DLG2: variants seen among roughly 807,000 people sequenced by gnomAD.
DLG2 encodes discs large MAGUK scaffold protein 2.
Under a neutral mutation model 132.5 loss-of-function variants are expected in DLG2, and 45 were observed. That is an observed-to-expected ratio of 0.34 (90% CI 0.27 to 0.44). The LOEUF is 0.44. DLG2 is among the 20% of genes least tolerant of loss of function. The pLI is 1.00. For missense variants in DLG2, 1,045 were observed against 1,196.9 expected (o/e 0.87, Z 1.87); for synonymous variants, 424 against 419.6 (o/e 1.01, Z -0.13).
chr11:83,987,063 A>C (rs2093373041), intron 11 of DLG2, among the ~76,000 whole-genome samples: 1 of 152,068 alleles, frequency 6.6e-6, no homozygotes, highest in African/African-American at 2.4e-5. Flanking sequence ...TCTTTAGTTT[A>C]ATTTGATCCC....
In DLG2 at chr11:84,769,616, A is replaced by G. The variant is rs1201497083; in HGVS notation, c.358-234885T>C. 2.0e-5 allele frequency among the ~76,000 whole-genome samples: 3 copies of G among 152,322 alleles called. No homozygotes were observed. The East Asian group carries it at 5.8e-4, about 29-fold the overall frequency. On this transcript the variant is annotated intron_variant, in intron 6 of 27. Coordinates refer to ENST00000376104, the MANE Select transcript of DLG2 (RefSeq NM_001142699.3). ...AGAGAGGTAGACGACATTTAGATAC[A>G]AGAAACCTAGAGAACACCTGTAAGA... is the stretch of plus-strand genomic sequence containing the variant.
chr11:84,851,427 T>G (rs1326516361), intron 6 of DLG2, among the ~76,000 whole-genome samples: 1 of 152,130 alleles, frequency 6.6e-6, no homozygotes, highest in Non-Finnish European at 1.5e-5. Context: ...CAGTTCCTAT[T>G]AACTCACTGG....
intron 3 of DLG2, among the ~76,000 whole-genome samples, chr11:85,540,705 A>G (rs1223336709): frequency 6.6e-6 from 1 of 152,258 alleles, no homozygotes; most frequent in African/African-American, 2.4e-5. Flanking sequence ...CAGCAAAGCT[A>G]AAAGAGCACA....
chr11:84,412,887 T>C (rs1418616189), intron 7 of DLG2, among the ~76,000 whole-genome samples: 2 of 152,240 alleles, frequency 1.3e-5, no homozygotes, highest in African/African-American at 4.8e-5. Context: ...CTGGAATGTA[T>C]ACTTCTCTAA....
At chr11:83,678,250 G>A (rs2078111678) in intron 18 of DLG2, among the ~76,000 whole-genome samples, 1 of 152,096 alleles carries the variant, frequency 6.6e-6, no homozygotes, top group African/African-American at 2.4e-5. Flanking sequence ...GAGGAAAAAA[G>A]TCAAAAGCAA....
chr11:83,818,061 G>A (rs1349462621), intron 17 of DLG2, among the ~76,000 whole-genome samples: 2 of 152,134 alleles, frequency 1.3e-5, no homozygotes, highest in African/African-American at 2.4e-5. Flanking sequence ...CTGAGTCTCC[G>A]TCTTTTCACT....
intron 3 of DLG2, among the ~76,000 whole-genome samples, chr11:85,527,828 T>C (rs1489936394): frequency 1.3e-5 from 2 of 152,202 alleles, no homozygotes; most frequent in Admixed American, 6.5e-5. Flanking sequence ...ATAAAAGTGT[T>C]TCTATTTCTC....
At chr11:85,054,950 C>T (rs653885) in intron 6 of DLG2, among the ~76,000 whole-genome samples, 58,923 of 151,796 alleles carry the variant, frequency 0.39, 11,589 homozygotes, top group South Asian at 0.58. Context: ...ATACCCAGTA[C>T]GAACGCAGCA....
At chr11:84,647,483 G>T (rs917616719) in intron 6 of DLG2, among the ~76,000 whole-genome samples, 1 of 152,126 alleles carries the variant, frequency 6.6e-6, no homozygotes, top group African/African-American at 2.4e-5. Context: ...AGATCAGTGC[G>T]GTAGAAATGT....
intron 2 of DLG2, among the ~76,000 whole-genome samples, chr11:85,610,758 TATC>T (rs933988513): frequency 3.9e-5 from 6 of 152,238 alleles, no homozygotes; most frequent in African/African-American, 1.4e-4. Context: ...GCAGGTCGAA[TATC>T]TAGGCTTAAT....
At chr11:84,954,104 C>A (rs945248593) in intron 6 of DLG2, among the ~76,000 whole-genome samples, 1 of 152,102 alleles carries the variant, frequency 6.6e-6, no homozygotes, top group Non-Finnish European at 1.5e-5. Flanking sequence ...CAGTCTTGGT[C>A]ACGGTGACTC....
chr11:85,267,749 T>C (rs2077301883), intron 4 of DLG2, among the ~76,000 whole-genome samples: 1 of 152,218 alleles, frequency 6.6e-6, no homozygotes, highest in Admixed American at 6.5e-5. Context: ...ATATACATAA[T>C]TCTTTTTTCT....
At chr11:85,156,208 A>G (rs1158140943) in intron 4 of DLG2, among the ~76,000 whole-genome samples, 1 of 152,176 alleles carries the variant, frequency 6.6e-6, no homozygotes, top group African/African-American at 2.4e-5. Flanking sequence ...TATCATTGTA[A>G]TTAGCATATT....
intron 14 of DLG2, among the ~76,000 whole-genome samples, chr11:83,935,503 G>A (rs1001748492): frequency 6.6e-6 from 1 of 152,142 alleles, no homozygotes; most frequent in Admixed American, 6.5e-5. Context: ...AAAGGTATTA[G>A]TCACTTGATT....
In DLG2 at chr11:85,150,010, A is replaced by ATTTTTTTT. The variant is rs962380618; in HGVS notation, c.282+4538_282+4545dup. On this transcript the variant is annotated intron_variant, in intron 5 of 27. Coordinates refer to ENST00000376104, the MANE Select transcript of DLG2 (RefSeq NM_001142699.3). The stretch of plus-strand genomic sequence containing the variant: ...ATTAACTCAAAAACATCAGTTTTTA[A>ATTTTTTTT]TTTTTTTTTTTTTTTTTTTTTTTTT... 2.6e-4 allele frequency among the ~76,000 whole-genome samples: 29 copies of ATTTTTTTT among 112,302 alleles called. 1 individual carries two copies. The highest frequency in any genetic ancestry group is 9.2e-4 in the African/African-American group (24 of 26,094). The allele number at this position is 112,302 out of a possible 152,430, so 73.7% of individuals were successfully genotyped here. A position where few individuals can be genotyped will look rare whatever the true frequency, so the allele number is the denominator to read the frequency against.
chr11:84,141,676 G>A (rs991942302), intron 9 of DLG2, among the ~76,000 whole-genome samples: 2 of 152,118 alleles, frequency 1.3e-5, no homozygotes, highest in African/African-American at 4.8e-5. Flanking sequence ...TTCTATTAGT[G>A]GCTGCAGGTG....
At chr11:85,449,547 G>C (rs2092150908) in intron 3 of DLG2, among the ~76,000 whole-genome samples, 1 of 151,828 alleles carries the variant, frequency 6.6e-6, no homozygotes. Context: ...TTATATTAGA[G>C]AGTACATGCT....
intron 16 of DLG2, among the ~76,000 whole-genome samples, chr11:83,845,669 A>G (rs1013732755): frequency 6.6e-6 from 1 of 152,226 alleles, no homozygotes; most frequent in African/African-American, 2.4e-5. Context: ...TTTATACTAA[A>G]CATACTGTGG....
At chr11:84,781,868 T>C (rs999638820) in intron 6 of DLG2, among the ~76,000 whole-genome samples, 1 of 152,086 alleles carries the variant, frequency 6.6e-6, no homozygotes, top group Non-Finnish European at 1.5e-5. Context: ...GCAGCTTCTA[T>C]AGTGATATAC....
Sources: gnomAD v4.1 joint callset for allele counts (sites outside exome capture counted in the v4.1 genomes callset) on GRCh38, gnomAD v4.1.1 for gene constraint, MANE v1.5 for transcripts, NCBI Gene and HGNC (gene_info 2026-07-23, HGNC 2026-07-21) for gene names.